The following PRR29 variants were observed in gnomAD, a reference collection of about 807,000 sequenced individuals.
PRR29 encodes proline-rich protein 29.
PRR29 carries 20 observed loss-of-function variants against 25.1 expected under a neutral mutation model. That is an observed-to-expected ratio of 0.80 (90% CI 0.56 to 1.16). The LOEUF is 1.16. PRR29 is among the 50% of genes most tolerant of loss of function. The pLI is 0.00. For synonymous variants in PRR29, 108 were observed against 102.6 expected, an observed-to-expected ratio of 1.05 and a Z score of -0.32; for missense variants, 238 against 246.6, an observed-to-expected ratio of 0.97 and a Z score of 0.23.
At position 64,002,783 on chromosome 17, in the gene PRR29, C is replaced by A. The variant is rs186856824; in HGVS notation, c.*1022C>A. The A allele has an allele frequency of 4.3e-6, 7 of 1,613,230 alleles. No homozygotes were observed. In the East Asian group the frequency reaches 1.6e-4, roughly 36 times the overall value. On this transcript the variant is annotated 3_prime_UTR_variant, in exon 6 of 6. Transcript: ENST00000412177. ...AGGCCTGGGGCAGCCTCCTCCAAGCCGCTCGCACCCCGTAGGTGCCCATCC... is the reference window on the plus strand; with the variant it reads ...AGGCCTGGGGCAGCCTCCTCCAAGCAGCTCGCACCCCGTAGGTGCCCATCC...
chr17:64,004,024 C>A lies in PRR29; in HGVS notation c.*2263C>A. On this transcript the variant is annotated 3_prime_UTR_variant, in exon 6 of 6. Transcript: ENST00000412177. ...TGGGGGTGCAGTCCCAGCAGCCTCC[C>A]CCTGGCCAGGGCCATCTCCTGTCAC... 7.5e-7 allele frequency: 1 copy of A among 1,333,504 alleles called. No individual in the cohort carries two copies. The highest frequency in any genetic ancestry group is 1.0e-6 in the Non-Finnish European group (1 of 974,514). 82.6% of individuals were successfully genotyped at this position (1,333,504 alleles called of 1,614,324 possible).
chr17:63,998,395 C>A lies in PRR29; in HGVS notation c.31C>A (p.Arg11Ser). 1 of 1,516,226 alleles carries A rather than the reference C, an allele frequency of 6.6e-7. No individual in the cohort carries two copies. Among genetic ancestry groups the A allele is most frequent in the Non-Finnish European group, 8.8e-7 (1 of 1,137,376 alleles). The allele number at this position is 1,516,226 out of a possible 1,614,324, so 93.9% of individuals were successfully genotyped here. ...CTCTGGGGCGGGCGGAAGCTGGGGT[C>A]GCTCCCCACCGCAGAGCGCAGTCCC... Reference protein sequence around the residue: MASGAGGSWGRSPPQSAVPTP... With the variant: MASGAGGSWGSSPPQSAVPTP... Residue 11 changes from arginine (R) to serine (S), a missense_variant, in exon 1 of 6, where the codon CGC becomes AGC. Coordinates refer to ENST00000412177, the MANE Select transcript of PRR29 (RefSeq NM_001164257.2).
At position 64,001,605 on chromosome 17, in the gene PRR29, T is replaced by C. The variant is rs1910763356; in HGVS notation, c.541+68T>C. ...GAATCAGGAGGCCAGGAGGGCCCTG[T>C]GCCCTCTGGTGGGGTTTGGGGGTTT... On this transcript the variant is annotated intron_variant, in intron 5 of 5. Coordinates refer to ENST00000412177, the MANE Select transcript of PRR29 (RefSeq NM_001164257.2). The C allele has an allele frequency of 4.7e-6, 7 of 1,492,388 alleles. No homozygotes were observed. In the South Asian group the frequency reaches 9.3e-5, roughly 20 times the overall value. The allele number at this position is 1,492,388 out of a possible 1,614,324, so 92.4% of individuals were successfully genotyped here.
At chr17:63,998,678 C>G in intron 1 of PRR29, 29 bp from the exon 2 acceptor site, 1 of 1,367,044 alleles carries the variant, frequency 7.3e-7, no homozygotes, top group Non-Finnish European at 1.0e-6. Flanking sequence ...CCCCCCACCC[C>G]ACCTGGCTGA....
In PRR29 at chr17:64,003,898, A is replaced by G. The variant is rs370443111; in HGVS notation, c.*2137A>G. 269 of 1,614,048 alleles carry G rather than the reference A, an allele frequency of 1.7e-4. No homozygotes were observed. Among genetic ancestry groups the G allele is most frequent in the Non-Finnish European group, 2.2e-4 (256 of 1,180,016 alleles). ...CTCCACGGTGGGCACCCTGCACTCA[A>G]TGGTGAAGGACTTGCCCACAGCCAC... On this transcript the variant is annotated 3_prime_UTR_variant, in exon 6 of 6. Coordinates refer to ENST00000412177, the MANE Select transcript of PRR29 (RefSeq NM_001164257.2).
intron 3 of PRR29, chr17:63,999,656 G>A: frequency 6.0e-6 from 1 of 166,466 alleles, no homozygotes; most frequent in South Asian, 1.5e-4. Flanking sequence ...CAGGGGCAGA[G>A]TCAGGAGACA....
chr17:63,998,618 G>T, intron 1 of PRR29, 89 bp from the exon 2 acceptor site: 3 of 1,003,392 alleles, frequency 3.0e-6, no homozygotes, highest in Non-Finnish European at 4.3e-6. Flanking sequence ...GCGGGGTTAG[G>T]GAGGCCACTG....
At position 63,998,698 on chromosome 17, in the gene PRR29, C is replaced by T. The variant is rs1420240689; in HGVS notation, c.61-9C>T. The T allele has an allele frequency of 2.0e-6, 3 of 1,510,496 alleles. No individual in the cohort carries two copies. Among genetic ancestry groups the T allele is most frequent in the African/African-American group, 2.8e-5 (2 of 72,606 alleles). 93.6% of individuals were successfully genotyped at this position (1,510,496 alleles called of 1,614,324 possible). A position where few individuals can be genotyped will look rare whatever the true frequency, so the allele number is the denominator to read the frequency against. Reference sequence around the variant, plus strand: ...CACCCCACCTGGCTGACTCCGCGCACACCCCCAGCCCTGGGTCACCTTCCT... The same window carrying T: ...CACCCCACCTGGCTGACTCCGCGCATACCCCCAGCCCTGGGTCACCTTCCT... On this transcript the variant is annotated splice_polypyrimidine_tract_variant and intron_variant, in intron 1 of 5. Coordinates refer to ENST00000412177, the MANE Select transcript of PRR29 (RefSeq NM_001164257.2).
At chr17:63,998,849 C>T (rs1910337359) in intron 2 of PRR29, 67 bp downstream of exon 2, 2 of 1,196,252 alleles carry the variant, frequency 1.7e-6, no homozygotes, top group Non-Finnish European at 2.4e-6. Flanking sequence ...CTGCCTCGCA[C>T]ATCCTCTGGG....
chr17:64,002,936 AG>A lies in PRR29; in HGVS notation c.*1180del. On this transcript the variant is annotated 3_prime_UTR_variant, in exon 6 of 6. Coordinates refer to ENST00000412177, the MANE Select transcript of PRR29 (RefSeq NM_001164257.2). ...TGTCCGACACAGGCTCTGGGGAGGG[AG>A]GGGGCAAGGGTCTTAGACGTCCTGT... The A allele has an allele frequency of 6.8e-6, 11 of 1,611,562 alleles. No homozygotes were observed. Among genetic ancestry groups the A allele is most frequent in the Non-Finnish European group, 9.3e-6 (11 of 1,178,590 alleles).
chr17:63,998,550 A>G, intron 1 of PRR29, 126 bp downstream of exon 1: 1 of 1,219,010 alleles, frequency 8.2e-7, no homozygotes, highest in Non-Finnish European at 1.1e-6. Flanking sequence ...AACCGAGAGG[A>G]AGAGGCGTGG....
In PRR29 at chr17:64,003,736, C is replaced by A; in HGVS notation, c.*1975C>A. Reference sequence around the variant, plus strand: ...CAGCACAGCCAGGCAGGAGAAGTTGCGGTGGCCATCCTCTCTGTCAGCCGT... The same window carrying A: ...CAGCACAGCCAGGCAGGAGAAGTTGAGGTGGCCATCCTCTCTGTCAGCCGT... On this transcript the variant is annotated 3_prime_UTR_variant, in exon 6 of 6. Coordinates refer to ENST00000412177, the MANE Select transcript of PRR29 (RefSeq NM_001164257.2). 6.2e-7 allele frequency: 1 copy of A among 1,614,116 alleles called. No homozygotes were observed. The highest frequency in any genetic ancestry group is 1.1e-5 in the South Asian group (1 of 91,084).
chr17:63,998,678 C>A, intron 1 of PRR29, 29 bp from the exon 2 acceptor site: 1 of 1,367,042 alleles, frequency 7.3e-7, no homozygotes, highest in Non-Finnish European at 1.0e-6. Flanking sequence ...CCCCCCACCC[C>A]ACCTGGCTGA....
Position 64,003,493 on chromosome 17 carries a change from C to G in PRR29, c.*1732C>G. The G allele has an allele frequency of 1.4e-6, 1 of 729,532 alleles. No individual in the cohort carries two copies. The allele number at this position is 729,532 out of a possible 1,614,324, so 45.2% of individuals were successfully genotyped here. A position where few individuals can be genotyped will look rare whatever the true frequency, so the allele number is the denominator to read the frequency against. On this transcript the variant is annotated 3_prime_UTR_variant, in exon 6 of 6. Transcript: ENST00000412177. ...GTCCAAGCTGGGGACTTGGAAAGAA[C>G]TTCAGGGAAGAGGGAGAGTAAGAGG...
In PRR29 at chr17:64,003,230, G is replaced by A. The variant is rs1182685550; in HGVS notation, c.*1469G>A. On this transcript the variant is annotated 3_prime_UTR_variant, in exon 6 of 6. Transcript: ENST00000412177. ...TGCTGGACACCGTGGCCTGGAGGGT[G>A]GCATGGTCCCAGCCAAGCCCCTTCT... The A allele has an allele frequency of 4.5e-6, 2 of 446,948 alleles. No homozygotes were observed. The highest frequency in any genetic ancestry group is 3.9e-5 in the African/African-American group (2 of 50,848). 27.7% of individuals were successfully genotyped at this position (446,948 alleles called of 1,614,324 possible).
rs1188883923 is a variant in PRR29 at position 63,998,729 on chromosome 17, C to T, written c.83C>T (p.Pro28Leu). The T allele has an allele frequency of 6.5e-7, 1 of 1,529,390 alleles. No individual in the cohort carries two copies. Among genetic ancestry groups the T allele is most frequent in the Admixed American group, 2.0e-5 (1 of 50,654 alleles). The allele number at this position is 1,529,390 out of a possible 1,614,324, so 94.7% of individuals were successfully genotyped here. Residue 28 changes from proline to leucine, a missense_variant, in exon 2 of 6, where the codon CCC becomes CTC. Transcript: ENST00000412177. ...VPTPWVTFLQ[P>L]LSWAVPPAPP... Reference sequence around the variant, plus strand: ...CAGCCCTGGGTCACCTTCCTGCAGCCCCTCTCGTGGGCCGTCCCACCTGCG... The same window carrying T: ...CAGCCCTGGGTCACCTTCCTGCAGCTCCTCTCGTGGGCCGTCCCACCTGCG...
At chr17:63,998,506 C>A in intron 1 of PRR29, 82 bp downstream of exon 1, 3 of 1,383,836 alleles carry the variant, frequency 2.2e-6, no homozygotes, top group Non-Finnish European at 2.9e-6. Context: ...GGGCCAGATC[C>A]TGGAGGGGTG....
At position 64,001,873 on chromosome 17, in the gene PRR29, T is replaced by C; in HGVS notation, c.*112T>C. 1.3e-6 allele frequency: 2 copies of C among 1,536,714 alleles called. No homozygotes were observed. The highest frequency in any genetic ancestry group is 1.4e-5 in the African/African-American group (1 of 73,104). On this transcript the variant is annotated 3_prime_UTR_variant, in exon 6 of 6. Transcript: ENST00000412177. ...CCCGGTGCCCATGGCTGGCAGTCCT[T>C]CTCACTCCCTCAACCTCAGCCAGGC...
rs182165508 is a variant in PRR29 at position 64,002,586 on chromosome 17, G to T, written c.*825G>T. 6.0e-6 allele frequency: 4 copies of T among 665,898 alleles called. No homozygotes were observed. Among genetic ancestry groups the T allele is most frequent in the African/African-American group, 3.6e-5 (2 of 55,132 alleles). The allele number at this position is 665,898 out of a possible 1,614,324, so 41.2% of individuals were successfully genotyped here. A position where few individuals can be genotyped will look rare whatever the true frequency, so the allele number is the denominator to read the frequency against. ...GTTATCCCAGGAGGAGACACTGTGG[G>T]CACAGGGCTAAGTCCAGGTGTTTGT... On this transcript the variant is annotated 3_prime_UTR_variant, in exon 6 of 6. Coordinates refer to ENST00000412177, the MANE Select transcript of PRR29 (RefSeq NM_001164257.2).
Sources: allele counts gnomAD v4.1 joint callset, GRCh38; gene constraint gnomAD v4.1.1; transcripts MANE v1.5; gene names NCBI Gene and HGNC (gene_info 2026-07-23, HGNC 2026-07-21).